ROBO1: variants seen among roughly 807,000 people sequenced by gnomAD.
ROBO1 encodes roundabout homolog 1.
A neutral mutation model predicts 195.9 loss-of-function variants in ROBO1; 149 were observed. The ratio of observed to expected loss-of-function variants is 0.76; its 90% CI spans 0.67 to 0.87. ROBO1 has a LOEUF of 0.87. Ranked by LOEUF, ROBO1 falls within the 40% of genes least tolerant of loss-of-function variation. The pLI is 0.00. For missense variants in ROBO1, 1,933 were observed against 2,068.3 expected (o/e 0.93, Z 1.27); for synonymous variants, 816 against 733.2 (o/e 1.11, Z -1.82).
chr3:79,017,450 A>AGTGTGTGTGTGTGTGTGT (rs60522056), intron 3 of ROBO1, among the ~76,000 whole-genome samples: 5 of 133,432 alleles, frequency 3.7e-5, no homozygotes, highest in Non-Finnish European at 6.4e-5. Context: ...TCCGAGGTGC[A>AGTGTGTGTGTGTGTGTGT]GTGTGTGTGT....
chr3:78,805,831 A>C (rs755331697), intron 4 of ROBO1, among the ~76,000 whole-genome samples: 26 of 152,192 alleles, frequency 1.7e-4, no homozygotes, highest in Non-Finnish European at 7.4e-5. Flanking sequence ...TACATAGTAT[A>C]GTGTAAACAT....
intron 1 of ROBO1, among the ~76,000 whole-genome samples, chr3:79,634,156 A>G (rs1945428650): frequency 6.6e-6 from 1 of 152,204 alleles, no homozygotes; most frequent in African/African-American, 2.4e-5. Flanking sequence ...GCCTCTGCAA[A>G]TATACTATCT....
chr3:78,824,400 A>G (rs1021336521), intron 4 of ROBO1, among the ~76,000 whole-genome samples: 3 of 152,204 alleles, frequency 2.0e-5, no homozygotes, highest in African/African-American at 7.2e-5. Context: ...TCATTAAACA[A>G]TCTAGTTAGA....
chr3:78,670,302 C>T lies in ROBO1; in HGVS notation c.1343-1G>A. ...ACTGGGGGAGGCCGATCTGCAATCA[C>T]TGCCAGAAGAAACAACAGGAAATAG... On this transcript the variant is annotated splice_acceptor_variant, in intron 10 of 30. Transcript: ENST00000464233. LOFTEE classifies it high-confidence loss of function. The T allele has an allele frequency of 6.4e-7, 1 of 1,556,016 alleles. No homozygotes were observed. The highest frequency in any genetic ancestry group is 1.4e-5 in the African/African-American group (1 of 73,450).
rs11451206 is a variant in ROBO1, at chr3:79,760,236, C to CAA, written c.-51+7514_-51+7515dup. 9.3e-3 allele frequency among the ~76,000 whole-genome samples: 42 copies of CAA among 4,516 alleles called. 12 individuals carry two copies. The highest frequency in any genetic ancestry group is 0.014 in the African/African-American group (21 of 1,518). 3.0% of individuals were successfully genotyped at this position (4,516 alleles called of 152,430 possible). A position where few individuals can be genotyped will look rare whatever the true frequency, so the allele number is the denominator to read the frequency against. ...TGGGTGAGACAGTGAGACCCTATCT[C>CAA]AAAAAAAAAAAAAAAAAAAAAAAAA... is the stretch of plus-strand genomic sequence containing the variant. On this transcript the variant is annotated intron_variant, in intron 1 of 30. Coordinates refer to ENST00000464233, the MANE Select transcript of ROBO1 (RefSeq NM_002941.4).
intron 2 of ROBO1, among the ~76,000 whole-genome samples, chr3:79,403,439 A>T (rs2037436437): frequency 6.6e-6 from 1 of 152,046 alleles, no homozygotes; most frequent in South Asian, 2.1e-4. Context: ...ACTGTTCTAC[A>T]TCATTATGCT....
At chr3:78,641,412 C>T (rs1291656693) in intron 21 of ROBO1, among the ~76,000 whole-genome samples, 1 of 152,106 alleles carries the variant, frequency 6.6e-6, no homozygotes, top group Non-Finnish European at 1.5e-5. Context: ...GAGAAAATAT[C>T]GGAAGTGTAA....
At chr3:78,601,102 A>G (rs950443244) in intron 29 of ROBO1, among the ~76,000 whole-genome samples, 11 of 152,066 alleles carry the variant, frequency 7.2e-5, no homozygotes, top group African/African-American at 2.7e-4. Context: ...AAGTCTGCCA[A>G]CTCTGCCTTT....
intron 2 of ROBO1, among the ~76,000 whole-genome samples, chr3:79,531,516 G>A (rs376077334): frequency 7.2e-5 from 11 of 152,104 alleles, no homozygotes; most frequent in Non-Finnish European, 1.5e-4. Context: ...CCAGCTACTC[G>A]GTATGCTGAG....
intron 19 of ROBO1, among the ~76,000 whole-genome samples, chr3:78,650,594 T>G (rs1419260855): frequency 6.6e-6 from 1 of 152,190 alleles, no homozygotes; most frequent in Non-Finnish European, 1.5e-5. Flanking sequence ...GTCATATAAT[T>G]GGTCAGAGAA....
intron 3 of ROBO1, chr3:79,018,439 A>C: frequency 6.2e-7 from 1 of 1,613,918 alleles, no homozygotes; most frequent in Non-Finnish European, 8.5e-7. Flanking sequence ...AAACAGGTAA[A>C]AGTGAGCGGG....
At chr3:79,439,084 C>T (rs542491801) in intron 2 of ROBO1, among the ~76,000 whole-genome samples, 28 of 151,986 alleles carry the variant, frequency 1.8e-4, no homozygotes, top group Non-Finnish European at 2.2e-4. Context: ...TGAGACAGAA[C>T]ATTTAGTTAT....
intron 1 of ROBO1, among the ~76,000 whole-genome samples, chr3:79,735,870 CAA>C (rs1220855864): frequency 1.6e-4 from 11 of 70,756 alleles, no homozygotes; most frequent in South Asian, 1.2e-3. Flanking sequence ...GACTCCGTCT[CAA>C]AAAAAAAAAA....
In ROBO1 at chr3:79,611,860, A is replaced by G. The variant is rs186356948; in HGVS notation, c.-50-21899T>C. Among the ~76,000 whole-genome samples the G allele has an allele frequency of 2.1e-3, 318 of 152,152 alleles. 2 individuals are homozygous for G. Among genetic ancestry groups the G allele is most frequent in the African/African-American group, 6.5e-3 (270 of 41,536 alleles). Reference sequence around the variant, plus strand: ...TATGGAAAAAACCTGCGCATTCTGCATATGTATCCCAGAACTTAAAGTATA... The same window carrying G: ...TATGGAAAAAACCTGCGCATTCTGCGTATGTATCCCAGAACTTAAAGTATA... On this transcript the variant is annotated intron_variant, in intron 1 of 30. Coordinates refer to ENST00000464233, the MANE Select transcript of ROBO1 (RefSeq NM_002941.4).
At chr3:79,061,725 A>G (rs2078921758) in intron 3 of ROBO1, among the ~76,000 whole-genome samples, 1 of 152,182 alleles carries the variant, frequency 6.6e-6, no homozygotes, top group South Asian at 2.1e-4. Context: ...ACCTTTGACA[A>G]ACCTGACAAA....
intron 2 of ROBO1, among the ~76,000 whole-genome samples, chr3:79,445,747 C>T (rs371123900): frequency 5.3e-5 from 8 of 151,428 alleles, no homozygotes; most frequent in South Asian, 2.1e-4. Flanking sequence ...CTGCAAGCTC[C>T]GCCTCCCGGG....
intron 14 of ROBO1, among the ~76,000 whole-genome samples, chr3:78,666,380 T>C (rs1559717548): frequency 6.6e-6 from 1 of 152,330 alleles, no homozygotes; most frequent in South Asian, 2.1e-4. Context: ...TACTGCTCAC[T>C]TACAAATGAG....
In ROBO1 at chr3:78,603,834, C is replaced by A. The variant is rs1703316694; in HGVS notation, c.4744+2899G>T. Among the ~76,000 whole-genome samples, 3 of 152,052 alleles carry A rather than the reference C, an allele frequency of 2.0e-5. No individual in the cohort carries two copies. The South Asian group carries it at 6.2e-4, about 32-fold the overall frequency. On this transcript the variant is annotated intron_variant, in intron 29 of 30. Transcript: ENST00000464233. Reference sequence around the variant, plus strand: ...AAAATAATAACTCATCAGTGTACCTCAGTGATTTCCATGATTCCATGGGTT... The same window carrying A: ...AAAATAATAACTCATCAGTGTACCTAAGTGATTTCCATGATTCCATGGGTT...
At position 79,096,668 on chromosome 3, in the gene ROBO1, G is replaced by GTA. The variant is rs954371167; in HGVS notation, c.172+28786_172+28787dup. 2.0e-5 allele frequency among the ~76,000 whole-genome samples: 3 copies of GTA among 150,354 alleles called. No homozygotes were observed. In the Admixed American group the frequency reaches 2.0e-4, roughly 10 times the overall value. ...AGGAAGACTAGACAATCATATATGT[G>GTA]TATATATATGTGTGTATACGTACAC... On this transcript the variant is annotated intron_variant, in intron 3 of 30. Coordinates refer to ENST00000464233, the MANE Select transcript of ROBO1 (RefSeq NM_002941.4).
Sources: gnomAD v4.1 joint callset for allele counts (sites outside exome capture counted in the v4.1 genomes callset) on GRCh38, gnomAD v4.1.1 for gene constraint, MANE v1.5 for transcripts, NCBI Gene and HGNC (gene_info 2026-07-23, HGNC 2026-07-21) for gene names.